The following EMP2 variants were observed in gnomAD, a reference collection of about 807,000 sequenced individuals.
EMP2 encodes the protein epithelial membrane protein 2.
EMP2 carries 19 observed loss-of-function variants against 13.7 expected under a neutral mutation model. The ratio of observed to expected loss-of-function variants is 1.38; its 90% confidence interval spans 0.97 to 2.03. EMP2 has a LOEUF of 2.03. Ranked by LOEUF, EMP2 falls within the 30% of genes most tolerant of loss-of-function variation. The pLI is 0.00. For missense variants in EMP2, 253 were observed against 220.7 expected (o/e 1.15, Z -0.93); for synonymous variants, 97 against 84.7 (o/e 1.15, Z -0.80).
At chr16:10,537,605 C>T (rs1314079263) in intron 4 of EMP2, among the ~76,000 whole-genome samples, 1 of 152,156 alleles carries the variant, frequency 6.6e-6, no homozygotes, top group East Asian at 1.9e-4. Flanking sequence ...ACACTGTTCC[C>T]TCCTCTCTCT....
intron 1 of EMP2, among the ~76,000 whole-genome samples, chr16:10,567,799 G>A (rs138888007): frequency 5.3e-5 from 8 of 152,326 alleles, no homozygotes; most frequent in African/African-American, 1.7e-4. Context: ...CTCCCGCTGT[G>A]AGCAGCATGA....
chr16:10,580,236 G>C lies in EMP2; in HGVS notation c.-61+313C>G, dbSNP rs2051017786. On this transcript the variant is annotated intron_variant, in intron 1 of 4. Transcript: ENST00000359543. The surrounding 1 kb of genome is among the most constrained non-coding windows in gnomAD (Gnocchi z 4.3). ...CTGGGGATCTCCCTGGACTCCAAGA[G>C]CCCCGGGTGTAAGTCCGGCGGGGCG... Among the ~76,000 whole-genome samples, 1 of 152,162 alleles carries C rather than the reference G, an allele frequency of 6.6e-6. No individual in the cohort carries two copies. Among genetic ancestry groups the C allele is most frequent in the Non-Finnish European group, 1.5e-5 (1 of 68,010 alleles).
At chr16:10,579,152 GC>G (rs1331255250) in intron 1 of EMP2, among the ~76,000 whole-genome samples, 4 of 152,170 alleles carry the variant, frequency 2.6e-5, no homozygotes, top group Non-Finnish European at 5.9e-5. Context: ...GCGAGCACCA[GC>G]CAACTGCAAA....
chr16:10,560,514 C>T (rs745677620), intron 1 of EMP2, among the ~76,000 whole-genome samples: 26 of 152,194 alleles, frequency 1.7e-4, no homozygotes, highest in Non-Finnish European at 3.5e-4. Context: ...TCCCCTTGCC[C>T]GTTCTTTAAA....
At chr16:10,546,467 G>A (rs1382992743) in intron 2 of EMP2, 1 of 152,146 alleles carries the variant, frequency 6.6e-6, no homozygotes, top group African/African-American at 2.4e-5. Flanking sequence ...GATACTAAAG[G>A]GAAACATTAA....
At chr16:10,555,074 G>C (rs2050817252) in intron 1 of EMP2, among the ~76,000 whole-genome samples, 1 of 152,098 alleles carries the variant, frequency 6.6e-6, no homozygotes, top group African/African-American at 2.4e-5. Context: ...AAAACTCAAA[G>C]CCCTATTGTC....
rs775906258 is a variant in EMP2, at chr16:10,532,891, C to G, written c.*14G>C. 2 of 1,452,856 alleles carry G rather than the reference C, an allele frequency of 1.4e-6. No homozygotes were observed. The highest frequency in any genetic ancestry group is 3.3e-5 in the South Asian group (2 of 61,422). The allele number at this position is 1,452,856 out of a possible 1,614,324, so 90.0% of individuals were successfully genotyped here. On this transcript the variant is annotated 3_prime_UTR_variant, in exon 5 of 5. Coordinates refer to ENST00000359543, the MANE Select transcript of EMP2 (RefSeq NM_001424.6). Reference sequence around the variant, plus strand: ...GATTCTGTACTGCAGCAGAAGCAACCCAGCTCCGGAACTCTATTTGCGCTT... The same window carrying G: ...GATTCTGTACTGCAGCAGAAGCAACGCAGCTCCGGAACTCTATTTGCGCTT...
intron 4 of EMP2, among the ~76,000 whole-genome samples, chr16:10,537,002 G>T (rs1250377497): frequency 6.6e-6 from 1 of 152,138 alleles, no homozygotes; most frequent in African/African-American, 2.4e-5. Flanking sequence ...CTGAGGGCAT[G>T]GCAGGTTTGG....
At position 10,556,882 on chromosome 16, in the gene EMP2, A is replaced by C. The variant is rs148766993; in HGVS notation, c.-60-9205T>G. On this transcript the variant is annotated intron_variant, in intron 1 of 4. Transcript: ENST00000359543. ...CCTCTCACATGCTTAGGGCCTGGTG[A>C]AAACCATGCAGCAACCTAATTAAGA... 2.9e-3 allele frequency among the ~76,000 whole-genome samples: 449 copies of C among 152,338 alleles called. 3 individuals carry two copies. Among genetic ancestry groups the C allele is most frequent in the African/African-American group, 0.01 (423 of 41,564 alleles).
chr16:10,537,574 A>G (rs1293253293), intron 4 of EMP2, among the ~76,000 whole-genome samples: 1 of 152,092 alleles, frequency 6.6e-6, no homozygotes, highest in Non-Finnish European at 1.5e-5. Flanking sequence ...GGCTTCCGTC[A>G]TGCTGTTCCC....
chr16:10,538,186 G>C, intron 3 of EMP2, 112 bp from the exon 4 acceptor site: 3 of 1,350,952 alleles, frequency 2.2e-6, no homozygotes, highest in Non-Finnish European at 3.1e-6. Context: ...CAAACAGGAA[G>C]GGGTTCAGGC....
intron 1 of EMP2, among the ~76,000 whole-genome samples, chr16:10,565,965 A>T (rs1382661098): frequency 6.6e-6 from 1 of 152,192 alleles, no homozygotes; most frequent in Non-Finnish European, 1.5e-5. Context: ...GACTCAACAC[A>T]AAGAGAATCA....
intron 3 of EMP2, among the ~76,000 whole-genome samples, chr16:10,540,956 C>G (rs1218000727): frequency 6.6e-6 from 1 of 152,104 alleles, no homozygotes; most frequent in East Asian, 1.9e-4. Flanking sequence ...GGTGTGGTGG[C>G]ACACACCCAT....
intron 4 of EMP2, among the ~76,000 whole-genome samples, chr16:10,533,906 T>C (rs533079768): frequency 1.3e-5 from 2 of 151,892 alleles, no homozygotes; most frequent in Admixed American, 6.6e-5. Context: ...CTGAGGTCAG[T>C]AGTTCCAGAC....
In EMP2 at chr16:10,562,336, TTCTCTCTCTCTCTC is replaced by T. The variant is rs540802206; in HGVS notation, c.-60-14673_-60-14660del. Among the ~76,000 whole-genome samples the T allele has an allele frequency of 6.9e-3, 851 of 124,206 alleles. 8 individuals are homozygous for T. The highest frequency in any genetic ancestry group is 0.01 in the Admixed American group (125 of 12,348). 81.5% of individuals were successfully genotyped at this position (124,206 alleles called of 152,430 possible). On this transcript the variant is annotated intron_variant, in intron 1 of 4. Coordinates refer to ENST00000359543, the MANE Select transcript of EMP2 (RefSeq NM_001424.6). Reference sequence around the variant, plus strand: ...AAAGCCTCAAGAAGCCTCATGCATGTTCTCTCTCTCTCTCTCTCTCTCTCTCTCTCTCTCTCTCT... The same window carrying T: ...AAAGCCTCAAGAAGCCTCATGCATGTTCTCTCTCTCTCTCTCTCTCTCTCT...
intron 3 of EMP2, among the ~76,000 whole-genome samples, chr16:10,539,373 C>T (rs1312941152): frequency 2.0e-5 from 3 of 152,076 alleles, no homozygotes; most frequent in South Asian, 2.1e-4. Flanking sequence ...CTACAGATTA[C>T]GGTTGCTTGG....
intron 1 of EMP2, among the ~76,000 whole-genome samples, chr16:10,563,584 C>T (rs577706369): frequency 6.6e-6 from 1 of 152,326 alleles, no homozygotes; most frequent in East Asian, 1.9e-4. Flanking sequence ...GTCGACAACT[C>T]AGCCAGGCCC....
chr16:10,540,506 A>G (rs1337243668), intron 3 of EMP2, among the ~76,000 whole-genome samples: 1 of 140,398 alleles, frequency 7.1e-6, no homozygotes, highest in East Asian at 2.0e-4. Context: ...ACTCTGTCTC[A>G]AAAATAAATA....
chr16:10,562,368 CTCTCTCTCTCTCTATCTATCT>C (rs2050877972), intron 1 of EMP2, among the ~76,000 whole-genome samples: 1 of 146,074 alleles, frequency 6.8e-6, no homozygotes, highest in Non-Finnish European at 1.5e-5. Context: ...CTCTCTCTCT[CTCTCTCTCTCTCTATCTATCT>C]CTCTCTCTCT....
Sources: allele counts gnomAD v4.1 joint callset (sites outside exome capture counted in the v4.1 genomes callset), GRCh38; gene constraint gnomAD v4.1.1; non-coding constraint Gnocchi (gnomAD v3.1); transcripts MANE v1.5; gene names NCBI Gene and HGNC (gene_info 2026-07-23, HGNC 2026-07-21).